GPC6: variants seen among roughly 807,000 people sequenced by gnomAD.
GPC6 encodes the protein glypican 6, also known as glypican-6.
A neutral mutation model predicts 55.2 loss-of-function variants in GPC6; 14 were observed. The observed-to-expected ratio is 0.25, with a 90% confidence interval of 0.17 to 0.40. The LOEUF (loss-of-function observed/expected upper bound fraction) is 0.40, where lower values mean the gene tolerates loss of function less well. Among genes scored for constraint, GPC6 ranks in the 10% least tolerant of loss-of-function variants. The probability of loss-of-function intolerance (pLI) is 1.00; values close to 1 mark genes in which losing one functional copy is unlikely to be tolerated. For missense variants in GPC6, 641 were observed against 708.5 expected, an observed-to-expected ratio of 0.90 and a Z score of 1.08; for synonymous variants, 278 against 259.6, an observed-to-expected ratio of 1.07 and a Z score of -0.68.
At chr13:93,902,420 G>A (rs4326909) in intron 3 of GPC6, among the ~76,000 whole-genome samples, 46,093 of 151,820 alleles carry the variant, frequency 0.3, 7,125 homozygotes, top group Non-Finnish European at 0.32. Flanking sequence ...ATCTCATTGT[G>A]TATATATACC....
chr13:94,088,972 C>T (rs904570428), intron 4 of GPC6, among the ~76,000 whole-genome samples: 6 of 152,062 alleles, frequency 3.9e-5, no homozygotes, highest in African/African-American at 1.2e-4. Flanking sequence ...CGGGCATATT[C>T]GTTCTTGCCA....
chr13:93,697,458 A>G (rs1882500530), intron 2 of GPC6, among the ~76,000 whole-genome samples: 1 of 152,032 alleles, frequency 6.6e-6, no homozygotes, highest in South Asian at 2.1e-4. Flanking sequence ...ACTTAATTCT[A>G]TATCTGTTTT....
chr13:93,456,747 C>T (rs1259860754), intron 1 of GPC6, among the ~76,000 whole-genome samples: 1 of 152,054 alleles, frequency 6.6e-6, no homozygotes, highest in African/African-American at 2.4e-5. Flanking sequence ...CCTTTTAGGG[C>T]TGTGATCTGT....
intron 6 of GPC6, among the ~76,000 whole-genome samples, chr13:94,379,490 G>T (rs766600694): frequency 6.6e-6 from 1 of 152,074 alleles, no homozygotes; most frequent in Non-Finnish European, 1.5e-5. Context: ...CCCCATCATC[G>T]CGACGGGCTC....
At chr13:93,756,848 C>A (rs1430268278) in intron 2 of GPC6, among the ~76,000 whole-genome samples, 2 of 152,114 alleles carry the variant, frequency 1.3e-5, no homozygotes, top group Non-Finnish European at 2.9e-5. Context: ...AGATTAAATA[C>A]TGCAAACTGT....
chr13:94,069,435 T>C lies in GPC6; in HGVS notation c.877+41541T>C, dbSNP rs561016465. 1.7e-3 allele frequency among the ~76,000 whole-genome samples: 258 copies of C among 152,274 alleles called. 1 individual carries two copies. The highest frequency in any genetic ancestry group is 5.7e-3 in the African/African-American group (236 of 41,554). On this transcript the variant is annotated intron_variant, in intron 4 of 8. Coordinates refer to ENST00000377047, the MANE Select transcript of GPC6 (RefSeq NM_005708.5). ...TGACATACCCTAGAGATATTTTCCC[T>C]ATTGTCTTGGTGATTAACATTCGCC...
At chr13:94,327,653 G>T (rs1011590687) in intron 6 of GPC6, among the ~76,000 whole-genome samples, 4 of 152,118 alleles carry the variant, frequency 2.6e-5, no homozygotes, top group African/African-American at 9.7e-5. Flanking sequence ...TAACACTGAG[G>T]TGGTCACATT....
chr13:93,945,877 C>A (rs1313480281), intron 3 of GPC6, among the ~76,000 whole-genome samples: 1 of 152,160 alleles, frequency 6.6e-6, no homozygotes, highest in African/African-American at 2.4e-5. Context: ...TGGGTAGCAA[C>A]AAGATGTTGG....
intron 2 of GPC6, among the ~76,000 whole-genome samples, chr13:93,821,265 G>T (rs1240292440): frequency 2.6e-5 from 4 of 152,148 alleles, no homozygotes; most frequent in African/African-American, 9.7e-5. Context: ...AAAATAGGTT[G>T]CTGACTAGAA....
chr13:93,852,851 C>T (rs114786347), intron 3 of GPC6, among the ~76,000 whole-genome samples: 1 of 151,594 alleles, frequency 6.6e-6, no homozygotes, highest in African/African-American at 2.4e-5. Context: ...CTCTTATTGG[C>T]TAGTATCATT....
At chr13:94,058,583 C>T (rs1036241027) in intron 4 of GPC6, among the ~76,000 whole-genome samples, 6 of 152,156 alleles carry the variant, frequency 3.9e-5, no homozygotes, top group African/African-American at 1.4e-4. Flanking sequence ...GGACGAACTA[C>T]ATTTACTAGC....
intron 3 of GPC6, among the ~76,000 whole-genome samples, chr13:93,973,341 A>G (rs1473105432): frequency 3.9e-5 from 6 of 152,202 alleles, no homozygotes; most frequent in Non-Finnish European, 5.9e-5. Context: ...TCACCATAAT[A>G]TATGCAGTCC....
chr13:94,208,816 C>T (rs929777810), intron 4 of GPC6, among the ~76,000 whole-genome samples: 2 of 146,782 alleles, frequency 1.4e-5, no homozygotes, highest in East Asian at 2.0e-4. Context: ...CTACTCGAGA[C>T]GCTGAAGCGG....
intron 1 of GPC6, among the ~76,000 whole-genome samples, chr13:93,492,698 C>G (rs897672088): frequency 5.3e-5 from 8 of 150,948 alleles, no homozygotes; most frequent in African/African-American, 9.8e-5. Context: ...TACGTCCCAT[C>G]AAGACCTAAT....
chr13:93,240,743 T>A (rs899855688), intron 1 of GPC6, among the ~76,000 whole-genome samples: 1 of 152,210 alleles, frequency 6.6e-6, no homozygotes, highest in Admixed American at 6.5e-5. Context: ...CAGTGAGTTT[T>A]ATACTTTTGA....
chr13:93,473,895 G>T (rs754011472), intron 1 of GPC6, among the ~76,000 whole-genome samples: 3 of 152,184 alleles, frequency 2.0e-5, no homozygotes, highest in Non-Finnish European at 2.9e-5. Context: ...GCTATGTGAA[G>T]GTGGGGGTGG....
chr13:94,081,775 C>T (rs938414699), intron 4 of GPC6, among the ~76,000 whole-genome samples: 16 of 151,824 alleles, frequency 1.1e-4, no homozygotes, highest in African/African-American at 2.2e-4. Context: ...CCAATTATAC[C>T]GCACAGATCC....
intron 3 of GPC6, among the ~76,000 whole-genome samples, chr13:93,905,269 C>G (rs1391594507): frequency 1.3e-5 from 2 of 152,060 alleles, no homozygotes; most frequent in Non-Finnish European, 2.9e-5. Context: ...GTCTCTTACT[C>G]TATATTCTTG....
At chr13:93,244,153 T>C (rs1015316782) in intron 1 of GPC6, among the ~76,000 whole-genome samples, 1 of 152,148 alleles carries the variant, frequency 6.6e-6, no homozygotes, top group Non-Finnish European at 1.5e-5. Flanking sequence ...GGAACCACTT[T>C]CGCTGCATAA....
Sources: gnomAD v4.1 joint callset for allele counts (sites outside exome capture counted in the v4.1 genomes callset) on GRCh38, gnomAD v4.1.1 for gene constraint, MANE v1.5 for transcripts, NCBI Gene and HGNC (gene_info 2026-07-23, HGNC 2026-07-21) for gene names.